TM9SF3: variants seen among roughly 807,000 people sequenced by gnomAD.
TM9SF3 encodes the protein transmembrane 9 superfamily member 3.
TM9SF3 carries 14 observed loss-of-function variants against 78.6 expected under a neutral mutation model. That is an observed-to-expected ratio of 0.18 (90% CI 0.12 to 0.28). The LOEUF (loss-of-function observed/expected upper bound fraction) is 0.28. Among genes scored for constraint, TM9SF3 ranks in the 10% least tolerant of loss-of-function variants. The probability of loss-of-function intolerance (pLI) is 1.00; values close to 1 mark genes in which losing one functional copy is unlikely to be tolerated. For missense variants in TM9SF3, 496 were observed against 721.9 expected (o/e 0.69, Z 3.59); for synonymous variants, 231 against 241.7 (o/e 0.96, Z 0.41).
chr10:96,566,703 C>CA (rs1231442169), intron 2 of TM9SF3, among the ~76,000 whole-genome samples: 1 of 151,900 alleles, frequency 6.6e-6, no homozygotes, highest in African/African-American at 2.4e-5. Context: ...AAACAAACAA[C>CA]AACAAAAAAA....
rs1174597063 is a variant in TM9SF3, at chr10:96,528,086, C to T, written c.1486G>A (p.Val496Ile). 4 of 1,612,798 alleles carry T rather than the reference C, an allele frequency of 2.5e-6. No homozygotes were observed. Among genetic ancestry groups the T allele is most frequent in the Non-Finnish European group, 2.5e-6 (3 of 1,179,164 alleles). The part of the protein sequence containing the change: ...LVLVILCIVT[V>I]CVTIVCTYFL... ...TATGTGCACACAATAGTCACACAGA[C>T]AGTCACAATGCACAGGATAACCAGC... The change falls in exon 12 of 15, where the codon GTC becomes ATC. Residue 496 changes from valine to isoleucine, a missense_variant. By Grantham distance (29) the Val-to-Ile change is conservative (BLOSUM62 3). Coordinates refer to ENST00000371142, the MANE Select transcript of TM9SF3 (RefSeq NM_020123.4).
intron 4 of TM9SF3, among the ~76,000 whole-genome samples, chr10:96,561,228 G>A (rs1848304587): frequency 6.8e-6 from 1 of 147,056 alleles, no homozygotes; most frequent in Non-Finnish European, 1.5e-5. Context: ...CTCCTTAGCT[G>A]CTCAATAAAT....
intron 13 of TM9SF3, 28 bp from the exon 14 acceptor site, chr10:96,527,317 T>C (rs780454430): frequency 1.3e-6 from 2 of 1,599,204 alleles, no homozygotes; most frequent in South Asian, 2.2e-5. Flanking sequence ...ATATATAGGA[T>C]ATCCAGTTTT....
Position 96,543,907 on chromosome 10 carries a change from T to C in TM9SF3, c.1185+169A>G, listed in dbSNP as rs74151378. On this transcript the variant is annotated intron_variant, in intron 9 of 14. Transcript: ENST00000371142. ...CTATAGGTTTAAACTTAACCAAAAT[T>C]TTATGGAGGCTAACAACAGTAGTAT... The C allele has an allele frequency of 2.3e-3, 1,260 of 546,084 alleles. 15 individuals carry two copies. Among genetic ancestry groups the C allele is most frequent in the African/African-American group, 0.023 (1,164 of 51,212 alleles). The allele number at this position is 546,084 out of a possible 1,614,324, so 33.8% of individuals were successfully genotyped here. A position where few individuals can be genotyped will look rare whatever the true frequency, so the allele number is the denominator to read the frequency against.
intron 9 of TM9SF3, among the ~76,000 whole-genome samples, chr10:96,540,732 G>A (rs978696894): frequency 4.3e-5 from 6 of 141,138 alleles, no homozygotes; most frequent in Admixed American, 4.2e-4. Flanking sequence ...CACCTTAGAT[G>A]ATGAAGCTTT....
rs756479292 is a variant in TM9SF3 at position 96,518,807 on chromosome 10, C to A, written c.*3456G>T. 3 of 151,094 alleles carry A rather than the reference C, an allele frequency of 2.0e-5. No homozygotes were observed. The highest frequency in any genetic ancestry group is 3.0e-5 in the Non-Finnish European group (2 of 67,730). 9.4% of individuals were successfully genotyped at this position (151,094 alleles called of 1,614,324 possible). A position where few individuals can be genotyped will look rare whatever the true frequency, so the allele number is the denominator to read the frequency against. The stretch of plus-strand genomic sequence containing the variant: ...TCTGTACACACTTCCAAATACTCTT[C>A]ATAAATTTTCACTTCTGACTGAAAT... On this transcript the variant is annotated 3_prime_UTR_variant, in exon 15 of 15. Coordinates refer to ENST00000371142, the MANE Select transcript of TM9SF3 (RefSeq NM_020123.4).
chr10:96,561,811 T>C (rs575491745), intron 4 of TM9SF3, among the ~76,000 whole-genome samples, 167 bp downstream of exon 4: 8 of 152,338 alleles, frequency 5.3e-5, no homozygotes, highest in Admixed American at 5.2e-4. Flanking sequence ...AAATCCTCTC[T>C]TTGCTTTCAG....
At chr10:96,529,021 G>C (rs1287083580) in intron 11 of TM9SF3, among the ~76,000 whole-genome samples, 3 of 152,136 alleles carry the variant, frequency 2.0e-5, no homozygotes, top group Non-Finnish European at 4.4e-5. Flanking sequence ...CAGCAGAGAA[G>C]TTATCTAGTG....
intron 5 of TM9SF3, among the ~76,000 whole-genome samples, chr10:96,559,006 T>C (rs1848270420): frequency 6.6e-6 from 1 of 152,180 alleles, no homozygotes; most frequent in Non-Finnish European, 1.5e-5. Context: ...CCAACACTAA[T>C]GCTACCGGCT....
intron 6 of TM9SF3, 25 bp downstream of exon 6, chr10:96,552,903 A>G: frequency 6.7e-7 from 1 of 1,501,918 alleles, no homozygotes; most frequent in Non-Finnish European, 8.8e-7. Flanking sequence ...ATGTTTCTAC[A>G]AATATAATGT....
At chr10:96,559,520 G>T in intron 5 of TM9SF3, 139 bp downstream of exon 5, 1 of 531,958 alleles carries the variant, frequency 1.9e-6, no homozygotes, top group Non-Finnish European at 3.0e-6. Context: ...ATGATTTCAA[G>T]CTCATACTTT....
In TM9SF3 at chr10:96,540,617, C is replaced by CTT. The variant is rs879853876; in HGVS notation, c.1185+3457_1185+3458dup. On this transcript the variant is annotated intron_variant, in intron 9 of 14. Transcript: ENST00000371142. ...AGAGGAAGAATGGGATAGAGCCATT[C>CTT]TTTTTTTTTTTTTACTTTGTTACAT... Among the ~76,000 whole-genome samples the CTT allele has an allele frequency of 2.3e-3, 322 of 140,516 alleles. 3 individuals carry two copies. Among genetic ancestry groups the CTT allele is most frequent in the African/African-American group, 7.9e-3 (304 of 38,696 alleles). 92.2% of individuals were successfully genotyped at this position (140,516 alleles called of 152,430 possible). A position where few individuals can be genotyped will look rare whatever the true frequency, so the allele number is the denominator to read the frequency against.
chr10:96,527,152 A>C (rs560030016), intron 14 of TM9SF3, 61 bp downstream of exon 14: 1 of 1,414,664 alleles, frequency 7.1e-7, no homozygotes, highest in South Asian at 1.3e-5. Flanking sequence ...CAATTACTGT[A>C]TTTTTCGGAT....
At chr10:96,555,692 C>T (rs1339104588) in intron 5 of TM9SF3, among the ~76,000 whole-genome samples, 1 of 152,072 alleles carries the variant, frequency 6.6e-6, no homozygotes, top group Non-Finnish European at 1.5e-5. Context: ...TATTGAGCAT[C>T]CAGTAAAATT....
intron 1 of TM9SF3, among the ~76,000 whole-genome samples, chr10:96,585,398 T>C (rs1427730485): frequency 6.6e-6 from 1 of 152,194 alleles, no homozygotes; most frequent in Non-Finnish European, 1.5e-5. Context: ...GCTTATCTGA[T>C]GAAAGAACAC....
Position 96,520,824 on chromosome 10 carries a change from G to A in TM9SF3, c.*1439C>T. ...TGTCATTCACTTTATGATTGTGCTG[G>A]ATAATCTAGATGTAAGCAAGTCTGG... is the stretch of plus-strand genomic sequence containing the variant. On this transcript the variant is annotated 3_prime_UTR_variant, in exon 15 of 15. Transcript: ENST00000371142. 1 of 396,368 alleles carries A rather than the reference G, an allele frequency of 2.5e-6. No individual in the cohort carries two copies. Among genetic ancestry groups the A allele is most frequent in the Non-Finnish European group, 4.5e-6 (1 of 224,292 alleles). 24.6% of individuals were successfully genotyped at this position (396,368 alleles called of 1,614,324 possible).
chr10:96,572,518 G>A (rs1175179758), intron 2 of TM9SF3, among the ~76,000 whole-genome samples: 2 of 148,992 alleles, frequency 1.3e-5, no homozygotes, highest in Non-Finnish European at 3.0e-5. Flanking sequence ...TATATTTAAC[G>A]CATTTTCTTT....
intron 9 of TM9SF3, among the ~76,000 whole-genome samples, chr10:96,539,301 T>TG: frequency 3.8e-5 from 4 of 104,650 alleles, no homozygotes; most frequent in Admixed American, 1.2e-4. Flanking sequence ...TGAAACTGTT[T>TG]GAGCCGAGAC....
chr10:96,545,660 C>T (rs184883207), intron 8 of TM9SF3, among the ~76,000 whole-genome samples: 8 of 152,216 alleles, frequency 5.3e-5, no homozygotes, highest in Non-Finnish European at 7.4e-5. Flanking sequence ...GAAGCTGAGG[C>T]GAGCAGATCA....
Sources: allele counts gnomAD v4.1 joint callset (sites outside exome capture counted in the v4.1 genomes callset), GRCh38; gene constraint gnomAD v4.1.1; transcripts MANE v1.5; gene names NCBI Gene and HGNC (gene_info 2026-07-23, HGNC 2026-07-21).